Variants in FHOD3 observed in about 807,000 individuals in gnomAD.
FHOD3 encodes the protein FH1/FH2 domain-containing protein 3.
A neutral mutation model predicts 173.0 loss-of-function variants in FHOD3; 90 were observed. The ratio of observed to expected loss-of-function variants is 0.52; its 90% confidence interval spans 0.44 to 0.62. FHOD3 has a LOEUF of 0.62. Among genes scored for constraint, FHOD3 ranks in the 20% least tolerant of loss-of-function variants. The pLI, the probability that FHOD3 is intolerant of heterozygous loss-of-function variation, is 0.00. For synonymous variants in FHOD3, 828 were observed against 823.0 expected (o/e 1.01, Z -0.10); for missense variants, 1,945 against 2,034.7 (o/e 0.96, Z 0.85).
At chr18:36,547,188 G>A (rs1010412998) in intron 5 of FHOD3, among the ~76,000 whole-genome samples, 1 of 152,070 alleles carries the variant, frequency 6.6e-6, no homozygotes, top group Admixed American at 6.5e-5. Context: ...GGTGAGGAGA[G>A]GCCAAGCTCC....
chr18:36,348,934 G>A (rs2045990424), intron 1 of FHOD3, among the ~76,000 whole-genome samples: 1 of 152,192 alleles, frequency 6.6e-6, no homozygotes. Flanking sequence ...CATGTGGAGT[G>A]TGAAAGTTGT....
intron 10 of FHOD3, among the ~76,000 whole-genome samples, chr18:36,647,086 C>CA (rs1371811213): frequency 6.6e-6 from 1 of 151,914 alleles, no homozygotes; most frequent in East Asian, 1.9e-4. Context: ...AATAATAATA[C>CA]AAAAAATTAG....
intron 10 of FHOD3, 102 bp from the exon 11 acceptor site, chr18:36,649,214 T>G: frequency 1.2e-5 from 8 of 681,826 alleles, no homozygotes; most frequent in African/African-American, 1.8e-5. Context: ...TTCGTTGTTG[T>G]TGTTGTTGTT....
At chr18:36,594,937 G>T (rs768727729) in intron 7 of FHOD3, 39 bp downstream of exon 7, 1 of 1,350,242 alleles carries the variant, frequency 7.4e-7, no homozygotes, top group South Asian at 1.2e-5. Context: ...GAAGGTGAAG[G>T]TGTCTAATGT....
At chr18:36,523,091 C>T (rs2056351306) in intron 5 of FHOD3, among the ~76,000 whole-genome samples, 1 of 152,314 alleles carries the variant, frequency 6.6e-6, no homozygotes, top group Admixed American at 6.5e-5. Context: ...CCCAACCACA[C>T]TGGAGTCGTG....
chr18:36,307,869 C>A (rs984480134), intron 1 of FHOD3, among the ~76,000 whole-genome samples: 1 of 152,244 alleles, frequency 6.6e-6, no homozygotes, highest in Non-Finnish European at 1.5e-5. Context: ...TTTCTCATCA[C>A]CCAAAGGGAA....
At chr18:36,502,328 C>T (rs2055081226) in intron 4 of FHOD3, among the ~76,000 whole-genome samples, 1 of 151,738 alleles carries the variant, frequency 6.6e-6, no homozygotes, top group Non-Finnish European at 1.5e-5. Context: ...ATACATGTGC[C>T]ATGGTGGTTT....
intron 6 of FHOD3, among the ~76,000 whole-genome samples, chr18:36,591,401 G>A (rs1013615132): frequency 6.6e-5 from 10 of 152,128 alleles, no homozygotes; most frequent in African/African-American, 2.4e-4. Flanking sequence ...GGGCTACTAC[G>A]AGGTGAGAAA....
intron 17 of FHOD3, among the ~76,000 whole-genome samples, chr18:36,694,002 GTCT>G (rs1441192175): frequency 5.3e-5 from 8 of 152,176 alleles, no homozygotes; most frequent in Admixed American, 3.3e-4. Flanking sequence ...GAGATATTCT[GTCT>G]TCTTCACTTT....
chr18:36,628,974 T>C (rs1443113994), intron 10 of FHOD3, among the ~76,000 whole-genome samples: 1 of 152,250 alleles, frequency 6.6e-6, no homozygotes, highest in Non-Finnish European at 1.5e-5. Flanking sequence ...ATCCTGCTGA[T>C]TTCCACACAA....
chr18:36,454,712 T>G (rs947247258), intron 3 of FHOD3, among the ~76,000 whole-genome samples: 9 of 151,992 alleles, frequency 5.9e-5, no homozygotes, highest in Admixed American at 5.9e-4. Context: ...CTGCAACCTC[T>G]CTGTCTGGGC....
chr18:36,400,858 GGTC>G (rs2048773273), intron 3 of FHOD3, among the ~76,000 whole-genome samples: 1 of 152,080 alleles, frequency 6.6e-6, no homozygotes, highest in Non-Finnish European at 1.5e-5. Flanking sequence ...CAGAATAAGT[GGTC>G]ACAAAAGAAA....
intron 1 of FHOD3, among the ~76,000 whole-genome samples, chr18:36,332,550 G>A (rs1234035163): frequency 6.6e-6 from 1 of 152,226 alleles, no homozygotes; most frequent in Non-Finnish European, 1.5e-5. Flanking sequence ...GGCTCACAGA[G>A]GATGCCCCCC....
rs1313817752 is a variant in FHOD3 at position 36,347,323 on chromosome 18, C to T, written c.166-8216C>T. Reference sequence around the variant, plus strand: ...TATTTTAAAATAATTCAAATGTTTACCTATTTACCAGACTATCACTCCCTC... The same window carrying T: ...TATTTTAAAATAATTCAAATGTTTATCTATTTACCAGACTATCACTCCCTC... On this transcript the variant is annotated intron_variant, in intron 1 of 28. Transcript: ENST00000590592. Among the ~76,000 whole-genome samples the T allele has an allele frequency of 2.0e-5, 3 of 152,234 alleles. No homozygotes were observed. In the East Asian group the frequency reaches 5.8e-4, roughly 29 times the overall value.
intron 14 of FHOD3, among the ~76,000 whole-genome samples, chr18:36,672,138 A>G (rs1386923455): frequency 1.3e-5 from 2 of 152,224 alleles, no homozygotes; most frequent in African/African-American, 2.4e-5. Context: ...CTAATAGGTC[A>G]TATTGTAAGA....
intron 4 of FHOD3, among the ~76,000 whole-genome samples, chr18:36,505,730 C>A (rs1051362252): frequency 2.6e-5 from 4 of 152,096 alleles, no homozygotes; most frequent in African/African-American, 9.7e-5. Flanking sequence ...AAATTTGATG[C>A]CAGAACATGT....
chr18:36,547,567 A>T (rs62082358), intron 5 of FHOD3, among the ~76,000 whole-genome samples: 44,525 of 151,992 alleles, frequency 0.29, 6,732 homozygotes, highest in Middle Eastern at 0.34. Context: ...CACCGTGCCC[A>T]GCTGTAACCA....
chr18:36,525,506 A>G (rs372293557), intron 5 of FHOD3, among the ~76,000 whole-genome samples: 3 of 152,196 alleles, frequency 2.0e-5, no homozygotes, highest in African/African-American at 7.2e-5. Context: ...TGAGATGATA[A>G]ATGTATGTTG....
At chr18:36,599,900 C>G (rs2031093772) in intron 7 of FHOD3, among the ~76,000 whole-genome samples, 1 of 138,830 alleles carries the variant, frequency 7.2e-6, no homozygotes, top group South Asian at 2.4e-4. Flanking sequence ...ATTTGAGTAT[C>G]AATTGTGTGC....
Sources: allele counts gnomAD v4.1 joint callset (sites outside exome capture counted in the v4.1 genomes callset), GRCh38; gene constraint gnomAD v4.1.1; transcripts MANE v1.5; gene names NCBI Gene and HGNC (gene_info 2026-07-23, HGNC 2026-07-21).